The following KSR1 variants were observed in gnomAD, a reference collection of about 807,000 sequenced individuals.
KSR1 encodes kinase suppressor of ras.
Under a neutral mutation model 92.9 loss-of-function variants are expected in KSR1, and 35 were observed. That is an observed-to-expected ratio of 0.38 (90% CI 0.29 to 0.50). The LOEUF is 0.50. Ranked by LOEUF, KSR1 falls within the 20% of genes least tolerant of loss-of-function variation. The pLI, the probability that KSR1 is intolerant of heterozygous loss-of-function variation, is 0.94. For missense variants in KSR1, 972 were observed against 1,158.5 expected, an observed-to-expected ratio of 0.84 and a Z score of 2.34; for synonymous variants, 467 against 472.6, an observed-to-expected ratio of 0.99 and a Z score of 0.15.
intron 17 of KSR1, among the ~76,000 whole-genome samples, chr17:27,610,941 A>G (rs890916520): frequency 5.3e-5 from 8 of 152,078 alleles, no homozygotes; most frequent in African/African-American, 1.9e-4. Flanking sequence ...GGTCTGATGG[A>G]GAAAGTCCCA....
At chr17:27,504,033 T>C (rs766495132) in intron 1 of KSR1, among the ~76,000 whole-genome samples, 9 of 152,328 alleles carry the variant, frequency 5.9e-5, no homozygotes, top group Admixed American at 6.5e-5. Context: ...CTGGATACTG[T>C]GGATAAAAGC....
intron 1 of KSR1, among the ~76,000 whole-genome samples, chr17:27,507,110 T>C (rs1352042627): frequency 2.0e-5 from 3 of 152,190 alleles, no homozygotes; most frequent in Non-Finnish European, 4.4e-5. Flanking sequence ...GCTTGGTGGA[T>C]TCAGAAGACA....
intron 1 of KSR1, among the ~76,000 whole-genome samples, chr17:27,515,233 A>G (rs907060732): frequency 6.6e-6 from 1 of 152,226 alleles, no homozygotes; most frequent in Non-Finnish European, 1.5e-5. Flanking sequence ...CATGTGCCGC[A>G]TTGTCAACAA....
At chr17:27,581,621 A>G (rs973287922) in intron 3 of KSR1, among the ~76,000 whole-genome samples, 11 of 151,872 alleles carry the variant, frequency 7.2e-5, no homozygotes, top group Non-Finnish European at 8.8e-5. Flanking sequence ...CTTCCCTGGC[A>G]CACTCCCTCT....
In KSR1 at chr17:27,551,487, C is replaced by T. The variant is rs575047419; in HGVS notation, c.372+779C>T. Among the ~76,000 whole-genome samples the T allele has an allele frequency of 2.0e-5, 3 of 152,086 alleles. No individual in the cohort carries two copies. The East Asian group carries it at 5.8e-4, about 29-fold the overall frequency. On this transcript the variant is annotated intron_variant, in intron 2 of 20. Transcript: ENST00000644974. ...AGCATGAATTCATTATATATAGATACTTTGGAAACAGAGAAGGAAAGAAAT... is the reference window on the plus strand; with the variant it reads ...AGCATGAATTCATTATATATAGATATTTTGGAAACAGAGAAGGAAAGAAAT...
At position 27,617,247 on chromosome 17, in the gene KSR1, C is replaced by G. The variant is rs117927512; in HGVS notation, c.2494-48C>G. The G allele has an allele frequency of 5.0e-3, 7,887 of 1,566,764 alleles. 27 individuals carry two copies. The highest frequency in any genetic ancestry group is 6.2e-3 in the Non-Finnish European group (7,073 of 1,148,556). On this transcript the variant is annotated intron_variant, in intron 18 of 20. Coordinates refer to ENST00000644974, the MANE Select transcript of KSR1 (RefSeq NM_001394583.1). Reference sequence around the variant, plus strand: ...GTGGAGCACCCCTACTGTGTGCCCCCTCCCTCCCAGCCAGCTCACACACCA... The same window carrying G: ...GTGGAGCACCCCTACTGTGTGCCCCGTCCCTCCCAGCCAGCTCACACACCA...
At chr17:27,572,337 A>T (rs912257849) in intron 2 of KSR1, among the ~76,000 whole-genome samples, 1 of 152,156 alleles carries the variant, frequency 6.6e-6, no homozygotes, top group Non-Finnish European at 1.5e-5. Context: ...CGGAGCTGGG[A>T]CTGGGCATCT....
intron 1 of KSR1, among the ~76,000 whole-genome samples, chr17:27,505,430 T>A (rs1012178342): frequency 6.6e-6 from 1 of 152,184 alleles, no homozygotes; most frequent in Non-Finnish European, 1.5e-5. Flanking sequence ...CTGCCTGCAG[T>A]CTCCACCTGA....
intron 2 of KSR1, among the ~76,000 whole-genome samples, chr17:27,564,101 G>C (rs899477287): frequency 4.9e-5 from 7 of 142,690 alleles, no homozygotes; most frequent in African/African-American, 1.8e-4. Flanking sequence ...CTATTCTCCT[G>C]TCTCAGCCTC....
intron 1 of KSR1, among the ~76,000 whole-genome samples, chr17:27,549,637 G>A (rs1410610402): frequency 6.6e-6 from 1 of 152,196 alleles, no homozygotes; most frequent in Non-Finnish European, 1.5e-5. Flanking sequence ...TTGCATATCT[G>A]AAATTTGCAT....
At chr17:27,604,582 T>G (rs1325361444) in intron 12 of KSR1, 98 bp from the exon 13 acceptor site, 1 of 1,232,048 alleles carries the variant, frequency 8.1e-7, no homozygotes, top group Non-Finnish European at 1.2e-6. Flanking sequence ...TGAGTCAGAG[T>G]AAGTACCTTT....
chr17:27,623,620 A>T lies in KSR1; in HGVS notation c.*228A>T, dbSNP rs531808198. ...ACCAAACCTGTCATGACAGACAGCAAATGTTTACACGTATATTTCTCCTGA... is the reference window on the plus strand; with the variant it reads ...ACCAAACCTGTCATGACAGACAGCATATGTTTACACGTATATTTCTCCTGA... On this transcript the variant is annotated 3_prime_UTR_variant, in exon 21 of 21. Transcript: ENST00000644974. 29 of 617,900 alleles carry T rather than the reference A, an allele frequency of 4.7e-5. No homozygotes were observed. In the African/African-American group the frequency reaches 4.8e-4, roughly 10 times the overall value. 38.3% of individuals were successfully genotyped at this position (617,900 alleles called of 1,614,324 possible). A position where few individuals can be genotyped will look rare whatever the true frequency, so the allele number is the denominator to read the frequency against.
In KSR1 at chr17:27,577,048, G is replaced by T. The variant is rs199759019; in HGVS notation, c.373-444G>T. On this transcript the variant is annotated intron_variant, in intron 2 of 20. Transcript: ENST00000644974. The surrounding 1 kb of genome is among the most constrained non-coding windows in gnomAD (Gnocchi z 4.5). Reference sequence around the variant, plus strand: ...CTGCAGTGTTTGGTGAGGTTTTTTTGTTTTTTTTTTTTAAATCCTTCCTTT... The same window carrying T: ...CTGCAGTGTTTGGTGAGGTTTTTTTTTTTTTTTTTTTTAAATCCTTCCTTT... Among the ~76,000 whole-genome samples, 13 of 147,294 alleles carry T rather than the reference G, an allele frequency of 8.8e-5. No homozygotes were observed. Among genetic ancestry groups the T allele is most frequent in the East Asian group, 2.0e-4 (1 of 5,040 alleles).
chr17:27,536,791 G>A (rs2070767866), intron 1 of KSR1, among the ~76,000 whole-genome samples: 1 of 152,236 alleles, frequency 6.6e-6, no homozygotes, highest in Non-Finnish European at 1.5e-5. Context: ...ATCAGGGGCA[G>A]GCCCAGGGCC....
At chr17:27,497,147 C>T (rs1168023347) in intron 1 of KSR1, among the ~76,000 whole-genome samples, 1 of 152,126 alleles carries the variant, frequency 6.6e-6, no homozygotes. Context: ...CACCTCTTTG[C>T]GATATGAGAC....
At position 27,577,507 on chromosome 17, in the gene KSR1, C is replaced by G. The variant is rs747376747; in HGVS notation, c.388C>G (p.Leu130Val). Reference protein sequence around the residue: ...PEVVQEIPRDLTLDALLEMNE... With the variant: ...PEVVQEIPRDVTLDALLEMNE... ...GTCCCCTTAGGAGATCCCCCGAGAC[C>G]TCACGCTGGATGCCCTGCTGGAGAT... The change falls in exon 3 of 21, where the codon CTC becomes GTC. Residue 130 changes from leucine to valine, a missense_variant. Physicochemically the swap from Leu to Val is conservative, Grantham distance 32. Coordinates refer to ENST00000644974, the MANE Select transcript of KSR1 (RefSeq NM_001394583.1). This position sits in a 1 kb window ranked among gnomAD's most constrained non-coding sequence, Gnocchi z 4.5. 1.9e-6 allele frequency: 3 copies of G among 1,580,846 alleles called. No individual in the cohort carries two copies. The South Asian group carries it at 3.4e-5, about 18-fold the overall frequency.
At chr17:27,467,142 TA>T (rs1227375874) in intron 1 of KSR1, among the ~76,000 whole-genome samples, 1 of 152,252 alleles carries the variant, frequency 6.6e-6, no homozygotes, top group Non-Finnish European at 1.5e-5. Context: ...CAGAGTCACA[TA>T]GCTAAGGAGA....
chr17:27,514,117 A>G (rs2069702240), intron 1 of KSR1, among the ~76,000 whole-genome samples: 1 of 152,266 alleles, frequency 6.6e-6, no homozygotes, highest in African/African-American at 2.4e-5. Flanking sequence ...TCCAAGTCTC[A>G]AAAGCAAGTC....
At position 27,457,655 on chromosome 17, in the gene KSR1, G is replaced by A. The variant is rs191951799; in HGVS notation, c.231+781G>A. 6.7e-4 allele frequency among the ~76,000 whole-genome samples: 102 copies of A among 152,278 alleles called. 1 individual carries two copies. Among genetic ancestry groups the A allele is most frequent in the Non-Finnish European group, 2.5e-4 (17 of 68,036 alleles). Reference sequence around the variant, plus strand: ...GCCTTCCTCTCTCAAATTATAGCTGGGGAAGTATCTGAAGGATTTGGAAAA... The same window carrying A: ...GCCTTCCTCTCTCAAATTATAGCTGAGGAAGTATCTGAAGGATTTGGAAAA... On this transcript the variant is annotated intron_variant, in intron 1 of 20. Coordinates refer to ENST00000644974, the MANE Select transcript of KSR1 (RefSeq NM_001394583.1).
Sources: allele counts gnomAD v4.1 joint callset (sites outside exome capture counted in the v4.1 genomes callset), GRCh38; gene constraint gnomAD v4.1.1; non-coding constraint Gnocchi (gnomAD v3.1); transcripts MANE v1.5; gene names NCBI Gene and HGNC (gene_info 2026-07-23, HGNC 2026-07-21).